The following ADNP variants were observed in gnomAD, a reference collection of about 807,000 sequenced individuals.
The protein encoded by ADNP is activity dependent neuroprotector homeobox, also known as activity-dependent neuroprotector homeobox protein.
A neutral mutation model predicts 84.9 loss-of-function variants in ADNP; 4 were observed. That is an observed-to-expected ratio of 0.05 (90% CI 0.02 to 0.11). The LOEUF is 0.11. Among genes scored for constraint, ADNP ranks in the 10% least tolerant of loss-of-function variants. ADNP has a pLI of 1.00. For synonymous variants in ADNP, 554 were observed against 468.1 expected (o/e 1.18, Z -2.37); for missense variants, 1,132 against 1,326.0 (o/e 0.85, Z 2.27).
At chr20:50,920,262 C>CAAAAAAAAAAAAAAAAAAAAAA (rs56181933) in intron 2 of ADNP, among the ~76,000 whole-genome samples, 1 of 64,552 alleles carries the variant, frequency 1.5e-5, no homozygotes, top group African/African-American at 6.4e-5. Flanking sequence ...ATTCCACCTC[C>CAAAAAAAAAAAAAAAAAAAAAA]AAAAAAAAAA....
intron 5 of ADNP, among the ~76,000 whole-genome samples, chr20:50,901,092 G>T (rs551606037): frequency 6.6e-6 from 1 of 152,220 alleles, no homozygotes; most frequent in East Asian, 1.9e-4. Flanking sequence ...GAAGGCAGGT[G>T]AACTGACATG....
chr20:50,929,315 T>C (rs1277675283), intron 1 of ADNP, among the ~76,000 whole-genome samples: 1 of 152,230 alleles, frequency 6.6e-6, no homozygotes, highest in Non-Finnish European at 1.5e-5. Context: ...AGAACAAATA[T>C]GGACTGGGGG....
intron 5 of ADNP, among the ~76,000 whole-genome samples, chr20:50,898,736 C>A (rs1024132687): frequency 2.6e-5 from 4 of 152,124 alleles, no homozygotes; most frequent in Non-Finnish European, 5.9e-5. Context: ...TGAGATTAAA[C>A]CATGCACAAG....
chr20:50,926,994 G>A (rs1181275557), intron 2 of ADNP, among the ~76,000 whole-genome samples: 1 of 152,042 alleles, frequency 6.6e-6, no homozygotes, highest in East Asian at 1.9e-4. Flanking sequence ...CGTGTAAGTA[G>A]TTACAAGGAA....
At chr20:50,899,867 ATTTTTTTTTTT>A (rs142777741) in intron 5 of ADNP, among the ~76,000 whole-genome samples, 1 of 131,282 alleles carries the variant, frequency 7.6e-6, no homozygotes. Context: ...CAGCTGTACA[ATTTTTTTTTTT>A]TTTTTTTTTG....
chr20:50,920,145 T>TG (rs1160262483), intron 2 of ADNP, among the ~76,000 whole-genome samples: 35 of 123,718 alleles, frequency 2.8e-4, no homozygotes, highest in African/African-American at 1.1e-3. Flanking sequence ...GGCGTGGTGG[T>TG]GTGCGCCTGT....
chr20:50,921,743 T>C (rs1312823022), intron 2 of ADNP, among the ~76,000 whole-genome samples: 1 of 152,230 alleles, frequency 6.6e-6, no homozygotes, highest in Non-Finnish European at 1.5e-5. Flanking sequence ...AGGTGAAAGC[T>C]GGGCAGCCAG....
intron 2 of ADNP, among the ~76,000 whole-genome samples, chr20:50,907,767 GTGT>G (rs1293215088): frequency 4.0e-5 from 6 of 151,418 alleles, no homozygotes; most frequent in Admixed American, 2.0e-4. Context: ...GTGTGTGTGT[GTGT>G]TTTTTTTTGT....
chr20:50,890,161 A>AAAAAAAAAAAAC lies in ADNP; in HGVS notation c.*1243_*1244insGTTTTTTTTTTT, dbSNP rs71192505. The AAAAAAAAAAAAC allele has an allele frequency of 5.5e-6, 1 of 181,134 alleles. No individual in the cohort carries two copies. Among genetic ancestry groups the AAAAAAAAAAAAC allele is most frequent in the Non-Finnish European group, 1.0e-5 (1 of 98,672 alleles). 11.2% of individuals were successfully genotyped at this position (181,134 alleles called of 1,614,324 possible). On this transcript the variant is annotated 3_prime_UTR_variant, in exon 6 of 6. Coordinates refer to ENST00000621696, the MANE Select transcript of ADNP (RefSeq NM_001282531.3). ...AAAAAAAAAAAAAAAAAAAAAAAAA[A>AAAAAAAAAAAAC]GAAAAACAGATTTTGTACCAGGTGC...
rs1044589008 is a variant in ADNP, at chr20:50,931,002, G to C, written c.-441C>G. 1.4e-5 allele frequency: 2 copies of C among 146,402 alleles called. No individual in the cohort carries two copies. The highest frequency in any genetic ancestry group is 3.1e-5 in the Non-Finnish European group (2 of 65,538). The allele number at this position is 146,402 out of a possible 1,614,324, so 9.1% of individuals were successfully genotyped here. ...TCGCGCCGCGGCCGCGGGTGCTGCCGGGGGGCGCGGCGGGCGCAGCAGAGC... is the reference window on the plus strand; with the variant it reads ...TCGCGCCGCGGCCGCGGGTGCTGCCCGGGGGCGCGGCGGGCGCAGCAGAGC... On this transcript the variant is annotated 5_prime_UTR_variant, in exon 1 of 6. Coordinates refer to ENST00000621696, the MANE Select transcript of ADNP (RefSeq NM_001282531.3).
At chr20:50,895,753 T>C (rs1981319127) in intron 5 of ADNP, among the ~76,000 whole-genome samples, 1 of 152,194 alleles carries the variant, frequency 6.6e-6, no homozygotes, top group Non-Finnish European at 1.5e-5. Context: ...AGGCTGGCCT[T>C]GAACTCCTGG....
At chr20:50,913,788 G>T in intron 2 of ADNP, 1 of 472,536 alleles carries the variant, frequency 2.1e-6, no homozygotes, top group Non-Finnish European at 4.0e-6. Context: ...GAAGCTGGAG[G>T]AGGTGAAGGA....
intron 2 of ADNP, among the ~76,000 whole-genome samples, chr20:50,926,211 TA>T (rs1298806627): frequency 1.3e-5 from 2 of 152,224 alleles, no homozygotes; most frequent in African/African-American, 4.8e-5. Context: ...TATTTACACA[TA>T]GGGGAGCAAT....
At position 50,929,442 on chromosome 20, in the gene ADNP, C is replaced by T. The variant is rs147190589; in HGVS notation, c.-264-617G>A. Among the ~76,000 whole-genome samples, 23 of 152,270 alleles carry T rather than the reference C, an allele frequency of 1.5e-4. 1 individual carries two copies. Among genetic ancestry groups the T allele is most frequent in the African/African-American group, 5.5e-4 (23 of 41,548 alleles). ...ATCCTTCGCCATGTTGCTGTCAGCT[C>T]ACCAACTAAGAGTGCGAGTGTGTCT... On this transcript the variant is annotated intron_variant, in intron 1 of 5. Transcript: ENST00000621696.
intron 5 of ADNP, among the ~76,000 whole-genome samples, chr20:50,899,537 G>A (rs78067263): frequency 0.014 from 2,064 of 152,132 alleles, 44 homozygotes; most frequent in African/African-American, 0.047. Context: ...CATTATTTGA[G>A]TGTACCACTT....
At chr20:50,915,005 A>G (rs1983400953) in intron 2 of ADNP, among the ~76,000 whole-genome samples, 1 of 152,176 alleles carries the variant, frequency 6.6e-6, no homozygotes, top group Admixed American at 6.5e-5. Flanking sequence ...ATTTGCCAAG[A>G]TAAAACGTAT....
In ADNP at chr20:50,893,472, C is replaced by A. The variant is rs1981020105; in HGVS notation, c.1242G>T (p.Gln414His). 1 of 1,613,854 alleles carries A rather than the reference C, an allele frequency of 6.2e-7. No homozygotes were observed. Among genetic ancestry groups the A allele is most frequent in the African/African-American group, 1.3e-5 (1 of 74,896 alleles). ...SGQLKSPSLS[Q>H]SQASRVLGQS... ...GACCTAACACTCTGGATGCCTGTGACTGAGAGAGGGAAGGAGACTTTAACT... is the reference window on the plus strand; with the variant it reads ...GACCTAACACTCTGGATGCCTGTGAATGAGAGAGGGAAGGAGACTTTAACT... Residue 414 changes from glutamine (Q) to histidine (H), a missense_variant, in exon 6 of 6, where the codon CAG becomes CAT. By Grantham distance (24) the Gln-to-His change is conservative. Around this residue, in one of 10 missense-constraint regions of ADNP, gnomAD observed 239 missense variants for 213.2 expected, o/e 1.12. Coordinates refer to ENST00000621696, the MANE Select transcript of ADNP (RefSeq NM_001282531.3). This position sits in a 1 kb window ranked among gnomAD's most constrained non-coding sequence, Gnocchi z 4.4.
intron 2 of ADNP, among the ~76,000 whole-genome samples, chr20:50,926,374 C>T (rs982084714): frequency 1.3e-5 from 2 of 152,180 alleles, no homozygotes; most frequent in Non-Finnish European, 2.9e-5. Flanking sequence ...CTTATTTACA[C>T]AACAGTCATG....
chr20:50,908,247 A>AT (rs1279100579), intron 2 of ADNP, among the ~76,000 whole-genome samples: 1 of 146,530 alleles, frequency 6.8e-6, no homozygotes, highest in Non-Finnish European at 1.5e-5. Flanking sequence ...TCTCACTCTT[A>AT]TCCCTCCAGC....
Sources: allele counts gnomAD v4.1 joint callset (sites outside exome capture counted in the v4.1 genomes callset), GRCh38; gene constraint gnomAD v4.1.1; regional missense constraint gnomAD v4.1.1; non-coding constraint Gnocchi (gnomAD v3.1); transcripts MANE v1.5; gene names NCBI Gene and HGNC (gene_info 2026-07-23, HGNC 2026-07-21).